Variants in ABCC1 observed in about 807,000 individuals in gnomAD.
ABCC1 encodes the protein multidrug resistance-associated protein 1.
A neutral mutation model predicts 172.9 loss-of-function variants in ABCC1; 83 were observed. The ratio of observed to expected loss-of-function variants is 0.48; its 90% CI spans 0.40 to 0.58. The LOEUF (loss-of-function observed/expected upper bound fraction) is 0.58, where lower values mean the gene tolerates loss of function less well. ABCC1 is among the 20% of genes least tolerant of loss of function. The pLI, the probability that ABCC1 is intolerant of heterozygous loss-of-function variation, is 0.00. For missense variants in ABCC1, 1,817 were observed against 2,002.7 expected (o/e 0.91, Z 1.77); for synonymous variants, 937 against 825.2 (o/e 1.14, Z -2.32).
At chr16:15,982,803 C>CAAAAAAAGAAAAAAAAAAAA (rs2046653400) in intron 1 of ABCC1, among the ~76,000 whole-genome samples, 1 of 43,212 alleles carries the variant, frequency 2.3e-5, no homozygotes, top group East Asian at 7.4e-4. Flanking sequence ...GAGACGCTGT[C>CAAAAAAAGAAAAAAAAAAAA]AAAAAAAAAA....
chr16:15,995,288 G>T (rs1223239495), intron 1 of ABCC1, among the ~76,000 whole-genome samples: 2 of 152,138 alleles, frequency 1.3e-5, no homozygotes, highest in Non-Finnish European at 2.9e-5. Context: ...CACTTAGAGT[G>T]GTGCTTGGCT....
intron 29 of ABCC1, 31 bp from the exon 30 acceptor site, chr16:16,138,333 A>G (rs1343968635): frequency 8.4e-6 from 13 of 1,553,520 alleles, no homozygotes; most frequent in Non-Finnish European, 8.8e-6. Flanking sequence ...TTGACCCAAC[A>G]CTATCTCCTG....
chr16:16,056,098 C>T lies in ABCC1; in HGVS notation c.1480C>T (p.His494Tyr). ...ACTGCCCGTCTCTTCCAAGGTGGCC[C>T]ACATGAAGAGCAAAGACAATCGGAT... is the stretch of plus-strand genomic sequence containing the variant. ...AMKTKTYQVA[H>Y]MKSKDNRIKL... Residue 494 changes from histidine (H) to tyrosine (Y), a missense_variant, in exon 12 of 31, where the codon CAC becomes TAC. By Grantham distance (83) the His-to-Tyr change is moderately conservative (BLOSUM62 2). Transcript: ENST00000399410. 10 of 1,614,020 alleles carry T rather than the reference C, an allele frequency of 6.2e-6. No individual in the cohort carries two copies. Among genetic ancestry groups the T allele is most frequent in the Non-Finnish European group, 8.5e-6 (10 of 1,179,952 alleles).
chr16:16,092,071 C>G (rs562650373), intron 19 of ABCC1, among the ~76,000 whole-genome samples: 53 of 152,282 alleles, frequency 3.5e-4, no homozygotes, highest in African/African-American at 9.4e-4. Flanking sequence ...AACCCTGTCT[C>G]TACTAAAAAT....
chr16:16,044,456 G>T lies in ABCC1; in HGVS notation c.816G>T (p.Pro272=). The T allele has an allele frequency of 6.2e-7, 1 of 1,613,882 alleles. No homozygotes were observed. Among genetic ancestry groups the T allele is most frequent in the Non-Finnish European group, 8.5e-7 (1 of 1,179,910 alleles). Residue 272 remains proline (P), a synonymous_variant, in exon 8 of 31, where the codon CCG becomes CCT. Coordinates refer to ENST00000399410, the MANE Select transcript of ABCC1 (RefSeq NM_004996.4). ...TCACCTCCTTGTGTTCCAGGCAGCC[G>T]GTGAAGGTTGTGTACTCCTCCAAGG... ...KKECAKTRKQ[P]VKVVYSSKDP...
In ABCC1 at chr16:16,033,131, C is replaced by T. The variant is rs747977371; in HGVS notation, c.638C>T (p.Ala213Val). Residue 213 changes from alanine to valine, a missense_variant, in exon 6 of 31, where the codon GCT becomes GTT. This residue lies in a region of ABCC1 where 398 missense variants were observed against 384.2 expected (regional missense o/e 1.04). Transcript: ENST00000399410. The stretch of plus-strand genomic sequence containing the variant: ...TAGAATCCCTGCCCAGAGTCCAGCG[C>T]TTCCTTCCTGTCGAGGATCACCTTC... The part of the protein sequence containing the change: ...HDPNPCPESS[A>V]SFLSRITFWW... The T allele has an allele frequency of 1.2e-6, 2 of 1,614,218 alleles. No homozygotes were observed. The highest frequency in any genetic ancestry group is 1.7e-6 in the Non-Finnish European group (2 of 1,180,040).
chr16:16,015,811 A>C (rs1340689186), intron 4 of ABCC1, among the ~76,000 whole-genome samples: 5 of 152,152 alleles, frequency 3.3e-5, no homozygotes, highest in African/African-American at 9.7e-5. Flanking sequence ...TACCACAAAG[A>C]AGATATCCCC....
intron 13 of ABCC1, among the ~76,000 whole-genome samples, chr16:16,069,197 TAA>T (rs1437073028): frequency 0.032 from 4,628 of 144,984 alleles, 259 homozygotes; most frequent in African/African-American, 0.11. Flanking sequence ...AATAAATAAA[TAA>T]ATAAATAAAT....
chr16:16,103,161 G>C (rs973193774), intron 20 of ABCC1, among the ~76,000 whole-genome samples: 3 of 152,100 alleles, frequency 2.0e-5, no homozygotes, highest in Non-Finnish European at 4.4e-5. Flanking sequence ...ACCACAGTGG[G>C]TAACATAGCA....
chr16:15,978,708 T>C (rs2046549864), intron 1 of ABCC1, among the ~76,000 whole-genome samples: 1 of 152,048 alleles, frequency 6.6e-6, no homozygotes, highest in South Asian at 2.1e-4. Flanking sequence ...TAAATACTGG[T>C]GGCAGGAGTG....
At chr16:15,996,748 G>T (rs780272007) in intron 1 of ABCC1, among the ~76,000 whole-genome samples, 1 of 152,094 alleles carries the variant, frequency 6.6e-6, no homozygotes, top group Non-Finnish European at 1.5e-5. Context: ...TGAGCTGCCC[G>T]GTGCACGAGG....
At chr16:16,018,296 C>G (rs907990635) in intron 5 of ABCC1, among the ~76,000 whole-genome samples, 6 of 152,106 alleles carry the variant, frequency 3.9e-5, no homozygotes, top group African/African-American at 1.4e-4. Flanking sequence ...CACCTGTAAT[C>G]GCAGCACTTT....
intron 3 of ABCC1, among the ~76,000 whole-genome samples, chr16:16,013,207 T>C (rs1273914813): frequency 6.6e-6 from 1 of 151,972 alleles, no homozygotes; most frequent in Non-Finnish European, 1.5e-5. Flanking sequence ...ACATTCTGAC[T>C]ATATCCCAGG....
intron 1 of ABCC1, among the ~76,000 whole-genome samples, chr16:15,980,321 A>G (rs1167906753): frequency 2.0e-5 from 3 of 152,150 alleles, no homozygotes; most frequent in African/African-American, 7.2e-5. Context: ...CCTCAGCAAC[A>G]AAGTGAGACT....
At chr16:15,959,581 C>G (rs898477694) in intron 1 of ABCC1, among the ~76,000 whole-genome samples, 1 of 152,232 alleles carries the variant, frequency 6.6e-6, no homozygotes, top group African/African-American at 2.4e-5. Flanking sequence ...CTGCCTCGGC[C>G]TCCCAAAGTG....
At chr16:15,949,186 TCTTC>T (rs2045790052), upstream of ABCC1, among the ~76,000 whole-genome samples, 2 of 152,160 alleles carry the variant, frequency 1.3e-5, no homozygotes, top group East Asian at 3.9e-4. Context: ...CACCTGGGTT[TCTTC>T]CTTCATGAAC....
At chr16:16,029,960 T>C (rs2048507774) in intron 5 of ABCC1, among the ~76,000 whole-genome samples, 1 of 152,206 alleles carries the variant, frequency 6.6e-6, no homozygotes, top group South Asian at 2.1e-4. Context: ...TTCTATGATA[T>C]CATTCTTTAT....
chr16:16,102,450 G>A (rs1036077745), intron 19 of ABCC1, among the ~76,000 whole-genome samples, 177 bp from the exon 20 acceptor site: 5 of 152,180 alleles, frequency 3.3e-5, no homozygotes, highest in African/African-American at 1.2e-4. Flanking sequence ...GATACCACCT[G>A]CCCCACAACC....
chr16:16,119,958 T>C (rs1791149103), intron 23 of ABCC1, among the ~76,000 whole-genome samples: 1 of 152,162 alleles, frequency 6.6e-6, no homozygotes, highest in Admixed American at 6.5e-5. Context: ...GAAGAAATTA[T>C]ATCTGATCCA....
Sources: gnomAD v4.1 joint callset for allele counts (sites outside exome capture counted in the v4.1 genomes callset) on GRCh38, gnomAD v4.1.1 for gene constraint, gnomAD v4.1.1 regional missense constraint, MANE v1.5 for transcripts, NCBI Gene and HGNC (gene_info 2026-07-23, HGNC 2026-07-21) for gene names.